The following TOMM34 variants were observed in gnomAD, a reference collection of about 807,000 sequenced individuals.
TOMM34 encodes translocase of outer mitochondrial membrane 34, also known as mitochondrial import receptor subunit TOM34.
A neutral mutation model predicts 37.4 loss-of-function variants in TOMM34; 24 were observed. That is an observed-to-expected ratio of 0.64 (90% confidence interval 0.46 to 0.90). The LOEUF is 0.90. Among genes scored for constraint, TOMM34 ranks in the 40% least tolerant of loss-of-function variants. TOMM34 has a pLI of 0.00. For missense variants in TOMM34, 304 were observed against 375.6 expected (o/e 0.81, Z 1.58); for synonymous variants, 154 against 148.9 (o/e 1.03, Z -0.25).
Position 44,943,036 on chromosome 20 carries a change from C to T in TOMM34, c.*73G>A, listed in dbSNP as rs546356753. On this transcript the variant is annotated 3_prime_UTR_variant, in exon 7 of 7. Transcript: ENST00000372813. Reference sequence around the variant, plus strand: ...CTTGGGGCATGCTGGGTTTCAGGAGCGGGCACAGAGCAGGTGGCCCATGGC... The same window carrying T: ...CTTGGGGCATGCTGGGTTTCAGGAGTGGGCACAGAGCAGGTGGCCCATGGC... The T allele has an allele frequency of 1.1e-4, 155 of 1,454,494 alleles. No individual in the cohort carries two copies. The highest frequency in any genetic ancestry group is 4.6e-4 in the African/African-American group (33 of 71,796). The allele number at this position is 1,454,494 out of a possible 1,614,324, so 90.1% of individuals were successfully genotyped here.
In TOMM34 at chr20:44,942,734, T is replaced by G; in HGVS notation, c.*375A>C. 1 of 242,524 alleles carries G rather than the reference T, an allele frequency of 4.1e-6. No homozygotes were observed. The highest frequency in any genetic ancestry group is 8.1e-6 in the Non-Finnish European group (1 of 124,058). The allele number at this position is 242,524 out of a possible 1,614,324, so 15.0% of individuals were successfully genotyped here. A position where few individuals can be genotyped will look rare whatever the true frequency, so the allele number is the denominator to read the frequency against. The stretch of plus-strand genomic sequence containing the variant: ...GGTTGTTCAGATGAACTGCAGTGAG[T>G]TGGGGTCTGGGGAAGCTACAAGGGC... On this transcript the variant is annotated 3_prime_UTR_variant, in exon 7 of 7. Coordinates refer to ENST00000372813, the MANE Select transcript of TOMM34 (RefSeq NM_006809.5).
At chr20:44,949,814 A>C (rs781661883) in intron 4 of TOMM34, among the ~76,000 whole-genome samples, 2 of 152,192 alleles carry the variant, frequency 1.3e-5, no homozygotes, top group East Asian at 3.8e-4. Context: ...CCACCTTTTT[A>C]AACAGTATAA....
intron 5 of TOMM34, among the ~76,000 whole-genome samples, chr20:44,945,188 T>A (rs1327752590): frequency 6.6e-6 from 1 of 152,242 alleles, no homozygotes; most frequent in Non-Finnish European, 1.5e-5. Context: ...TTCTCTCATG[T>A]CGTTGTTCTC....
chr20:44,956,299 A>G (rs2067072178), intron 2 of TOMM34, 87 bp downstream of exon 2: 1 of 1,276,822 alleles, frequency 7.8e-7, no homozygotes, highest in African/African-American at 1.5e-5. Flanking sequence ...AATTGATGGG[A>G]TCCTTCCAAA....
chr20:44,958,926 A>AC (rs1491121093), intron 1 of TOMM34: 1 of 114,190 alleles, frequency 8.8e-6, no homozygotes, highest in African/African-American at 3.0e-5. Flanking sequence ...AAAAGTGCAG[A>AC]CAAAAAAAAA....
At chr20:44,953,751 CCT>C (rs1257285739) in intron 3 of TOMM34, among the ~76,000 whole-genome samples, 13 of 152,298 alleles carry the variant, frequency 8.5e-5, no homozygotes, top group African/African-American at 2.6e-4. Flanking sequence ...CTACATGTCC[CCT>C]GACTGGTCCC....
rs543846588 is a variant in TOMM34, at chr20:44,949,545, T to C, written c.551-668A>G. Among the ~76,000 whole-genome samples, 186 of 152,298 alleles carry C rather than the reference T, an allele frequency of 1.2e-3. 1 individual carries two copies. The highest frequency in any genetic ancestry group is 4.4e-3 in the African/African-American group (184 of 41,572). ...GTGAAATCCAAGCTGCTCAACTTGG[T>C]GTTCAGGCCCTTCACTGCTTGGCCC... On this transcript the variant is annotated intron_variant, in intron 4 of 6. Transcript: ENST00000372813.
rs2066941587 is a variant in TOMM34, at chr20:44,942,231, A to G, written c.*878T>C. The G allele has an allele frequency of 6.6e-6, 1 of 152,268 alleles. No individual in the cohort carries two copies. The highest frequency in any genetic ancestry group is 1.5e-5 in the Non-Finnish European group (1 of 68,052). The allele number at this position is 152,268 out of a possible 1,614,324, so 9.4% of individuals were successfully genotyped here. ...CACAGCAGATATTGATGTAGAAGAA[A>G]GCTTTTTAATGCAACAGCTTAAACA... On this transcript the variant is annotated 3_prime_UTR_variant, in exon 7 of 7. Transcript: ENST00000372813.
In TOMM34 at chr20:44,960,274, G is replaced by A. The variant is rs1601155328; in HGVS notation, c.60C>T (p.Phe20=). The A allele has an allele frequency of 1.9e-6, 3 of 1,580,418 alleles. No individual in the cohort carries two copies. The highest frequency in any genetic ancestry group is 2.4e-5 in the East Asian group (1 of 42,460). The change falls in exon 1 of 7, where the codon TTC becomes TTT. Residue 20 remains phenylalanine, a synonymous_variant. Transcript: ENST00000372813. ...EELRAAGNES[F]RNGQYAEASA... ...AGGCCTCGGCGTACTGGCCGTTGCG[G>A]AAACTCTCATTGCCGGCGGCGCGGA...
chr20:44,951,649 C>T (rs2067027240), intron 4 of TOMM34, among the ~76,000 whole-genome samples, 184 bp downstream of exon 4: 1 of 152,206 alleles, frequency 6.6e-6, no homozygotes, highest in Admixed American at 6.5e-5. Flanking sequence ...AAGACTTTAT[C>T]ATCACCCTCA....
chr20:44,955,293 C>T, intron 2 of TOMM34, 73 bp from the exon 3 acceptor site: 1 of 1,569,486 alleles, frequency 6.4e-7, no homozygotes. Context: ...TTCTTCCAGG[C>T]AGGGTTATCT....
chr20:44,953,127 C>T (rs1240508995), intron 3 of TOMM34, among the ~76,000 whole-genome samples: 2 of 152,158 alleles, frequency 1.3e-5, no homozygotes, highest in South Asian at 4.1e-4. Flanking sequence ...CATCTTCATC[C>T]TTCCTCTCTA....
chr20:44,949,401 A>C (rs2067007412), intron 4 of TOMM34, among the ~76,000 whole-genome samples: 1 of 152,240 alleles, frequency 6.6e-6, no homozygotes, highest in Non-Finnish European at 1.5e-5. Context: ...CTATGAGAAA[A>C]GGGGAGAAGA....
Position 44,960,359 on chromosome 20 carries a change from A to G in TOMM34, c.-26T>C, listed in dbSNP as rs1373859237. 4.5e-6 allele frequency: 7 copies of G among 1,540,120 alleles called. No individual in the cohort carries two copies. Among genetic ancestry groups the G allele is most frequent in the Non-Finnish European group, 6.1e-6 (7 of 1,141,094 alleles). ...CCCGTGGCCAGGCCGGCGAGTTGGG[A>G]GCTCCTTCCTTCCTCCCCCGTGTGG... On this transcript the variant is annotated 5_prime_UTR_variant, in exon 1 of 7. Coordinates refer to ENST00000372813, the MANE Select transcript of TOMM34 (RefSeq NM_006809.5).
At chr20:44,951,692 G>A (rs2067027605) in intron 4 of TOMM34, 141 bp downstream of exon 4, 3 of 1,038,492 alleles carry the variant, frequency 2.9e-6, no homozygotes, top group Admixed American at 6.0e-5. Context: ...TCTAAGAGGT[G>A]AAGACTTGTA....
Position 44,958,206 on chromosome 20 carries a change from C to G in TOMM34, c.128-1721G>C, listed in dbSNP as rs1049126188. ...CATTTTATGTCTATTAAAGCATTTC[C>G]TAAGAGGCATCATATTGCCTATCCT... On this transcript the variant is annotated intron_variant, in intron 1 of 6. Coordinates refer to ENST00000372813, the MANE Select transcript of TOMM34 (RefSeq NM_006809.5). The G allele has an allele frequency of 2.6e-5, 10 of 383,106 alleles. No homozygotes were observed. The Admixed American group carries it at 3.2e-4, about 12-fold the overall frequency. The allele number at this position is 383,106 out of a possible 1,614,324, so 23.7% of individuals were successfully genotyped here.
chr20:44,947,646 G>A (rs576554406), intron 5 of TOMM34, among the ~76,000 whole-genome samples: 1 of 152,224 alleles, frequency 6.6e-6, no homozygotes, highest in African/African-American at 2.4e-5. Flanking sequence ...TCACAGGCAT[G>A]TGCCACAGCG....
intron 4 of TOMM34, 96 bp from the exon 5 acceptor site, chr20:44,948,973 A>G: frequency 6.9e-7 from 1 of 1,447,060 alleles, no homozygotes; most frequent in South Asian, 1.4e-5. Context: ...AACTGACTAC[A>G]ATCCTCTCTC....
intron 5 of TOMM34, among the ~76,000 whole-genome samples, chr20:44,947,896 T>C (rs1419717453): frequency 6.6e-6 from 1 of 152,212 alleles, no homozygotes; most frequent in Non-Finnish European, 1.5e-5. Flanking sequence ...TGTATGCTGG[T>C]AGGGAAGGAT....
Sources: allele counts gnomAD v4.1 joint callset (sites outside exome capture counted in the v4.1 genomes callset), GRCh38; gene constraint gnomAD v4.1.1; transcripts MANE v1.5; gene names NCBI Gene and HGNC (gene_info 2026-07-23, HGNC 2026-07-21).